PIEZO2: variants seen among roughly 807,000 people sequenced by gnomAD.
PIEZO2 encodes the protein piezo-type mechanosensitive ion channel component 2.
In PIEZO2, 172 loss-of-function variants were observed where a neutral mutation model predicts 337.3. The ratio of observed to expected loss-of-function variants is 0.51; its 90% confidence interval spans 0.45 to 0.58. PIEZO2 has a LOEUF of 0.58. Ranked by LOEUF, PIEZO2 falls within the 20% of genes least tolerant of loss-of-function variation. The pLI is 0.00. For synonymous variants in PIEZO2, 1,251 were observed against 1,228.5 expected, an observed-to-expected ratio of 1.02 and a Z score of -0.38; for missense variants, 3,028 against 3,391.3, an observed-to-expected ratio of 0.89 and a Z score of 2.66.
chr18:10,813,977 T>C lies in PIEZO2; in HGVS notation c.918-6703A>G, dbSNP rs1163216576. 6.6e-6 allele frequency among the ~76,000 whole-genome samples: 1 copy of C among 151,966 alleles called. No individual in the cohort carries two copies. Among genetic ancestry groups the C allele is most frequent in the Non-Finnish European group, 1.5e-5 (1 of 68,002 alleles). ...GTGAGATGGGACACCATATATTTTTTTTTTTTTTGAGATGGAGTTTTGCTC... is the reference window on the plus strand; with the variant it reads ...GTGAGATGGGACACCATATATTTTTCTTTTTTTTGAGATGGAGTTTTGCTC... On this transcript the variant is annotated intron_variant, in intron 7 of 55. Coordinates refer to ENST00000674853, the MANE Select transcript of PIEZO2 (RefSeq NM_001378183.1). This position sits in a 1 kb window ranked among gnomAD's most constrained non-coding sequence, Gnocchi z 4.2.
At chr18:11,114,835 A>G (rs896202513) in intron 1 of PIEZO2, among the ~76,000 whole-genome samples, 1 of 152,190 alleles carries the variant, frequency 6.6e-6, no homozygotes, top group African/African-American at 2.4e-5. Flanking sequence ...GAATCATCAA[A>G]TAAACACACA....
chr18:11,050,457 C>T (rs911865861), intron 2 of PIEZO2, among the ~76,000 whole-genome samples: 3 of 151,680 alleles, frequency 2.0e-5, no homozygotes, highest in Non-Finnish European at 4.4e-5. Context: ...TCTGAGGGGC[C>T]ATTAGTGATC....
chr18:11,015,028 G>A (rs200624076), intron 2 of PIEZO2, among the ~76,000 whole-genome samples: 3 of 134,554 alleles, frequency 2.2e-5, no homozygotes, highest in East Asian at 4.3e-4. Flanking sequence ...ACCCTGGGCG[G>A]GACAGCGATC....
chr18:10,987,867 A>G (rs1227875552), intron 2 of PIEZO2, among the ~76,000 whole-genome samples: 1 of 152,196 alleles, frequency 6.6e-6, no homozygotes, highest in East Asian at 1.9e-4. Flanking sequence ...CACATTAACA[A>G]AAAGGCAAAG....
At chr18:11,068,067 A>G (rs557656467) in intron 1 of PIEZO2, among the ~76,000 whole-genome samples, 41 of 152,270 alleles carry the variant, frequency 2.7e-4, no homozygotes, top group African/African-American at 9.9e-4. Flanking sequence ...GACTGCAGGC[A>G]TCCGCCACAC....
At chr18:11,013,221 A>G (rs920876819) in intron 2 of PIEZO2, among the ~76,000 whole-genome samples, 3 of 152,202 alleles carry the variant, frequency 2.0e-5, no homozygotes, top group African/African-American at 7.2e-5. Context: ...AGGCCCAATG[A>G]AATCTCAAGG....
At position 10,962,837 on chromosome 18, in the gene PIEZO2, G is replaced by T. The variant is rs1255968038; in HGVS notation, c.286+16698C>A. ...TATGAGCCCATGCTAGCAATGTGAG[G>T]GATGACTTTTCCCACTGAGCTATTA... On this transcript the variant is annotated intron_variant, in intron 3 of 55. Coordinates refer to ENST00000674853, the MANE Select transcript of PIEZO2 (RefSeq NM_001378183.1). The surrounding 1 kb of genome is among the most constrained non-coding windows in gnomAD (Gnocchi z 4.1). Among the ~76,000 whole-genome samples, 1 of 152,110 alleles carries T rather than the reference G, an allele frequency of 6.6e-6. No individual in the cohort carries two copies. Among genetic ancestry groups the T allele is most frequent in the African/African-American group, 2.4e-5 (1 of 41,396 alleles).
rs139155435 is a variant in PIEZO2 at position 10,675,251 on chromosome 18, G to A, written c.8119C>T (p.Pro2707Ser). 3.9e-5 allele frequency: 60 copies of A among 1,544,654 alleles called. No individual in the cohort carries two copies. The highest frequency in any genetic ancestry group is 1.7e-4 in the Middle Eastern group (1 of 5,912). Residue 2707 changes from proline to serine, a missense_variant, in exon 54 of 56, where the codon CCT (proline) becomes TCT (serine). Transcript: ENST00000674853. ...ATAGGTTTTGAGTTAGAATCACTAG[G>A]TGCTTTCACATAATATGGATAAATC... The part of the protein sequence containing the change: ...EKIYPYYVKA[P>S]SDSNSKPIKQ...
chr18:11,079,417 T>A (rs2038659197), intron 1 of PIEZO2, among the ~76,000 whole-genome samples: 1 of 152,202 alleles, frequency 6.6e-6, no homozygotes, highest in South Asian at 2.1e-4. Context: ...ACAAGTAGGT[T>A]ACAGAACCCA....
chr18:10,759,455 C>T lies in PIEZO2; in HGVS notation c.3757+27G>A. The T allele has an allele frequency of 6.6e-7, 1 of 1,513,160 alleles. No homozygotes were observed. Among genetic ancestry groups the T allele is most frequent in the Non-Finnish European group, 8.9e-7 (1 of 1,125,970 alleles). The allele number at this position is 1,513,160 out of a possible 1,614,324, so 93.7% of individuals were successfully genotyped here. ...AACAGTAAACCCGGATACCAGCACT[C>T]TGTGGCCCTGCAGTGGAAACACTTA... On this transcript the variant is annotated intron_variant, in intron 26 of 55. Transcript: ENST00000674853. This position sits in a 1 kb window ranked among gnomAD's most constrained non-coding sequence, Gnocchi z 5.5.
rs752123502 is a variant in PIEZO2 at position 10,689,851 on chromosome 18, C to A, written c.7350-49G>T. ...GAGAGACATTCGTGGGTGGCCCCCA[C>A]CACCCTGCTCACCCAGGAGCTCAAG... is the stretch of plus-strand genomic sequence containing the variant. On this transcript the variant is annotated intron_variant, in intron 48 of 55. Transcript: ENST00000674853. The A allele has an allele frequency of 2.6e-6, 4 of 1,559,526 alleles. No homozygotes were observed. In the South Asian group the frequency reaches 3.7e-5, roughly 14 times the overall value.
chr18:11,124,655 GAA>G (rs2040130480), intron 1 of PIEZO2, among the ~76,000 whole-genome samples: 1 of 152,102 alleles, frequency 6.6e-6, no homozygotes, highest in Non-Finnish European at 1.5e-5. Flanking sequence ...GTACCCAGCA[GAA>G]GACTAACTCT....
At chr18:10,704,849 T>A (rs1184777069) in intron 41 of PIEZO2, among the ~76,000 whole-genome samples, 197 bp from the exon 42 acceptor site, 5 of 152,046 alleles carry the variant, frequency 3.3e-5, no homozygotes, top group African/African-American at 1.2e-4. Context: ...CACACCCAGC[T>A]AATTTTTTTG....
rs2041907890 is a variant in PIEZO2, at chr18:10,862,707, A to C, written c.493-5496T>G. Among the ~76,000 whole-genome samples the C allele has an allele frequency of 6.6e-6, 1 of 152,218 alleles. No individual in the cohort carries two copies. The highest frequency in any genetic ancestry group is 1.5e-5 in the Non-Finnish European group (1 of 68,044). Reference sequence around the variant, plus strand: ...CAACCTCAAACTTACTAAATCAGAAATTATGGGAATGAATTCCAGGAAGCT... The same window carrying C: ...CAACCTCAAACTTACTAAATCAGAACTTATGGGAATGAATTCCAGGAAGCT... On this transcript the variant is annotated intron_variant, in intron 5 of 55. Coordinates refer to ENST00000674853, the MANE Select transcript of PIEZO2 (RefSeq NM_001378183.1). This position sits in a 1 kb window ranked among gnomAD's most constrained non-coding sequence, Gnocchi z 4.4.
At chr18:10,920,684 A>G (rs549613030) in intron 3 of PIEZO2, among the ~76,000 whole-genome samples, 1 of 152,276 alleles carries the variant, frequency 6.6e-6, no homozygotes, top group South Asian at 2.1e-4. Flanking sequence ...GGCCAATCAT[A>G]GAATCTGGGG....
intron 1 of PIEZO2, among the ~76,000 whole-genome samples, chr18:11,076,038 G>A (rs1490435074): frequency 3.3e-5 from 5 of 151,966 alleles, no homozygotes; most frequent in South Asian, 2.1e-4. Flanking sequence ...CACCCACCTC[G>A]GCCTCCCAAA....
chr18:10,803,234 C>T (rs78613065), intron 9 of PIEZO2, among the ~76,000 whole-genome samples: 8,586 of 152,220 alleles, frequency 0.056, 295 homozygotes, highest in Non-Finnish European at 0.066. Flanking sequence ...TTACAGGTAT[C>T]GAACTCTACC....
At chr18:10,971,596 G>A (rs557107262) in intron 3 of PIEZO2, among the ~76,000 whole-genome samples, 147 of 152,216 alleles carry the variant, frequency 9.7e-4, no homozygotes, top group Admixed American at 4.5e-3. Flanking sequence ...TGATGCACTC[G>A]TAGGGGTGAA....
At position 10,689,694 on chromosome 18, in the gene PIEZO2, A is replaced by G. The variant is rs763091015; in HGVS notation, c.7458T>C (p.Ala2486=). ...GCCAACACTTCAGGATGAATATGTGAGCATAGATGTCCTCCACACAGATCC... is the reference window on the plus strand; with the variant it reads ...GCCAACACTTCAGGATGAATATGTGGGCATAGATGTCCTCCACACAGATCC... ...SSWICVEDIY[A]HIFILKCWRE... The change falls in exon 49 of 56, where the codon GCT becomes GCC. Residue 2486 remains alanine (A), a synonymous_variant. Transcript: ENST00000674853. The G allele has an allele frequency of 6.2e-7, 1 of 1,614,262 alleles. No homozygotes were observed. Among genetic ancestry groups the G allele is most frequent in the Non-Finnish European group, 8.5e-7 (1 of 1,180,050 alleles).
Sources: gnomAD v4.1 joint callset for allele counts (sites outside exome capture counted in the v4.1 genomes callset) on GRCh38, gnomAD v4.1.1 for gene constraint, Gnocchi (gnomAD v3.1) non-coding constraint, MANE v1.5 for transcripts, NCBI Gene and HGNC (gene_info 2026-07-23, HGNC 2026-07-21) for gene names.